ABTB3: variants seen among roughly 807,000 people sequenced by gnomAD.
ABTB3 encodes ankyrin repeat and BTB domain containing 3.
At chr12:107,525,304 G>A in the ABTB3 span, among the ~76,000 whole-genome samples, 2 of 100,966 alleles carry the variant, frequency 2.0e-5, no homozygotes, top group Non-Finnish European at 3.9e-5. Flanking sequence ...TCCAGCCTAG[G>A]CGACAGAGCA....
the ABTB3 span, among the ~76,000 whole-genome samples, chr12:107,363,009 A>G: frequency 6.6e-6 from 1 of 152,156 alleles, no homozygotes; most frequent in Non-Finnish European, 1.5e-5. Context: ...GACTCCAGAG[A>G]TCACTCAGCC....
At chr12:107,545,965 C>T in the ABTB3 span, among the ~76,000 whole-genome samples, 1 of 152,210 alleles carries the variant, frequency 6.6e-6, no homozygotes, top group Non-Finnish European at 1.5e-5. Context: ...GACACGGCCT[C>T]CTCTGAGCTC....
the ABTB3 span, among the ~76,000 whole-genome samples, chr12:107,358,290 G>A: frequency 2.6e-5 from 4 of 152,204 alleles, no homozygotes; most frequent in Non-Finnish European, 5.9e-5. Flanking sequence ...GCAGGAGAAA[G>A]TGGCATGTTA....
the ABTB3 span, among the ~76,000 whole-genome samples, chr12:107,393,967 CAG>C: frequency 4.6e-5 from 7 of 152,072 alleles, no homozygotes; most frequent in African/African-American, 1.4e-4. Flanking sequence ...ATGATAAAAA[CAG>C]TGTGCAGAGA....
chr12:107,494,209 G>A, the ABTB3 span, among the ~76,000 whole-genome samples: 1 of 152,186 alleles, frequency 6.6e-6, no homozygotes, highest in Admixed American at 6.5e-5. Flanking sequence ...CCTGAGTCTT[G>A]GTTGGAAGTC....
chr12:107,588,275 T>C, the ABTB3 span, among the ~76,000 whole-genome samples: 1 of 152,186 alleles, frequency 6.6e-6, no homozygotes, highest in East Asian at 1.9e-4. Context: ...TAACATATCT[T>C]TTGGGGGGAC....
the ABTB3 span, among the ~76,000 whole-genome samples, chr12:107,395,625 C>T: frequency 6.6e-6 from 1 of 152,214 alleles, no homozygotes; most frequent in Non-Finnish European, 1.5e-5. Context: ...TGCTCCTACT[C>T]ACCCAGTGAG....
At chr12:107,420,299 T>C in the ABTB3 span, among the ~76,000 whole-genome samples, 1 of 152,128 alleles carries the variant, frequency 6.6e-6, no homozygotes, top group Admixed American at 6.5e-5. Context: ...CATACTGCTA[T>C]GAAGAAATAC....
the ABTB3 span, among the ~76,000 whole-genome samples, chr12:107,476,488 G>A: frequency 3.3e-5 from 5 of 152,146 alleles, no homozygotes; most frequent in South Asian, 2.1e-4. Context: ...CAAGGGTCTC[G>A]GTTTTGCCAT....
chr12:107,508,326 A>G, the ABTB3 span, among the ~76,000 whole-genome samples: 2 of 151,202 alleles, frequency 1.3e-5, no homozygotes, highest in Non-Finnish European at 2.9e-5. Flanking sequence ...GATTGCAAGT[A>G]TGTATGGTCA....
the ABTB3 span, chr12:107,610,430 G>C: frequency 1.3e-6 from 2 of 1,559,516 alleles, no homozygotes; most frequent in South Asian, 2.3e-5. Context: ...AGAGACAGCC[G>C]GTGAATCCCC....
chr12:107,635,093 T>C, the ABTB3 span: 3 of 458,760 alleles, frequency 6.5e-6, no homozygotes, highest in African/African-American at 2.0e-5. Context: ...AAATAGACAG[T>C]GGACAAAACA....
At chr12:107,340,145 C>T in the ABTB3 span, among the ~76,000 whole-genome samples, 1 of 151,986 alleles carries the variant, frequency 6.6e-6, no homozygotes, top group Non-Finnish European at 1.5e-5. Context: ...AGCATGTTAG[C>T]CATTTACATA....
the ABTB3 span, among the ~76,000 whole-genome samples, chr12:107,329,024 G>A: frequency 2.4e-4 from 36 of 152,144 alleles, no homozygotes; most frequent in Admixed American, 7.9e-4. Flanking sequence ...AGCCTCCTCA[G>A]CTGGAGGCCC....
At chr12:107,443,331 G>A in the ABTB3 span, among the ~76,000 whole-genome samples, 12 of 152,034 alleles carry the variant, frequency 7.9e-5, no homozygotes, top group East Asian at 1.9e-4. Flanking sequence ...ACTTTGGGGC[G>A]GTCCCTAAGG....
At chr12:107,381,903 C>T in the ABTB3 span, among the ~76,000 whole-genome samples, 2 of 152,116 alleles carry the variant, frequency 1.3e-5, no homozygotes, top group Non-Finnish European at 2.9e-5. Flanking sequence ...TTATGTAAAT[C>T]GCAGAGATAG....
the ABTB3 span, among the ~76,000 whole-genome samples, chr12:107,547,443 C>T: frequency 6.6e-6 from 1 of 152,188 alleles, no homozygotes; most frequent in African/African-American, 2.4e-5. Flanking sequence ...TCCTTCTGGA[C>T]TCAGAGTGTA....
At chr12:107,507,555 C>A in the ABTB3 span, among the ~76,000 whole-genome samples, 1 of 152,150 alleles carries the variant, frequency 6.6e-6, no homozygotes, top group African/African-American at 2.4e-5. Flanking sequence ...AATTCAGCTG[C>A]CTCCTCCCAG....
the ABTB3 span, among the ~76,000 whole-genome samples, chr12:107,512,878 G>T: frequency 2.0e-5 from 3 of 152,112 alleles, no homozygotes; most frequent in African/African-American, 7.2e-5. Flanking sequence ...CCAACCCTGT[G>T]AGGTAGGCAC....
Sources: gnomAD v4.1 joint callset for allele counts (sites outside exome capture counted in the v4.1 genomes callset) on GRCh38, gnomAD v4.1.1 for gene constraint, MANE v1.5 for transcripts, NCBI Gene and HGNC (gene_info 2026-07-23, HGNC 2026-07-21) for gene names.